TLE3: variants seen among roughly 807,000 people sequenced by gnomAD.
TLE3 encodes transducin-like enhancer protein 3.
Under a neutral mutation model 93.0 loss-of-function variants are expected in TLE3, and 14 were observed. That is an observed-to-expected ratio of 0.15 (90% CI 0.10 to 0.24). The LOEUF (loss-of-function observed/expected upper bound fraction) is 0.24. Among genes scored for constraint, TLE3 ranks in the 10% least tolerant of loss-of-function variants. TLE3 has a pLI of 1.00. For synonymous variants in TLE3, 451 were observed against 425.0 expected (o/e 1.06, Z -0.75); for missense variants, 693 against 1,046.6 (o/e 0.66, Z 4.66).
intron 6 of TLE3, among the ~76,000 whole-genome samples, chr15:70,071,295 C>T (rs1689604810): frequency 6.6e-6 from 1 of 152,178 alleles, no homozygotes; most frequent in South Asian, 2.1e-4. Context: ...CAGGCCCCAG[C>T]TAGAAGAGAG....
In TLE3 at chr15:70,051,374, C is replaced by CA; in HGVS notation, c.2202+16dup. 1 of 1,597,642 alleles carries CA rather than the reference C, an allele frequency of 6.3e-7. No homozygotes were observed. The highest frequency in any genetic ancestry group is 2.3e-5 in the East Asian group (1 of 44,342). The stretch of plus-strand genomic sequence containing the variant: ...TCTGGGTAGAACCCAGAGGAGGACT[C>CA]AGACGGTGGGCAGTACCTGGAATAT... On this transcript the variant is annotated intron_variant, in intron 19 of 19. Transcript: ENST00000451782.
intron 4 of TLE3, among the ~76,000 whole-genome samples, chr15:70,076,599 C>T (rs1034751436): frequency 1.3e-5 from 2 of 152,206 alleles, no homozygotes; most frequent in African/African-American, 4.8e-5. Context: ...ATAAATGGGA[C>T]TAAGCTGATA....
chr15:70,053,132 C>T (rs1020138928), intron 17 of TLE3, 95 bp downstream of exon 17: 1 of 1,478,378 alleles, frequency 6.8e-7, no homozygotes, highest in African/African-American at 1.4e-5. Context: ...CGTGGCCACT[C>T]TGTGAGGGTC....
intron 14 of TLE3, chr15:70,055,637 C>T (rs916553147): frequency 3.8e-6 from 1 of 260,088 alleles, no homozygotes; most frequent in Non-Finnish European, 7.3e-6. Context: ...CCACCTCTTG[C>T]TTTAGGAGCC....
intron 7 of TLE3, among the ~76,000 whole-genome samples, chr15:70,064,748 G>C (rs568428970): frequency 6.6e-6 from 1 of 152,280 alleles, no homozygotes; most frequent in African/African-American, 2.4e-5. Context: ...CCAGTCCCCA[G>C]GGTGGGGAGG....
At chr15:70,091,142 C>T (rs981337453) in intron 4 of TLE3, among the ~76,000 whole-genome samples, 1 of 152,180 alleles carries the variant, frequency 6.6e-6, no homozygotes, top group Admixed American at 6.5e-5. Context: ...GCATGAGAAG[C>T]CAAAGGGCTC....
chr15:70,056,389 A>G lies in TLE3; in HGVS notation c.1252-15T>C. On this transcript the variant is annotated splice_polypyrimidine_tract_variant and intron_variant, in intron 13 of 19. Coordinates refer to ENST00000451782, the MANE Select transcript of TLE3 (RefSeq NM_001105192.3). ...TCAAAACCAACCTGTAAAGCAAGGC[A>G]AGACAGCCCTCCATCAGCCGTGCTG... is the stretch of plus-strand genomic sequence containing the variant. 6.2e-7 allele frequency: 1 copy of G among 1,609,362 alleles called. No homozygotes were observed. The highest frequency in any genetic ancestry group is 8.5e-7 in the Non-Finnish European group (1 of 1,177,052).
Position 70,049,301 on chromosome 15 carries a change from C to A in TLE3, c.*796G>T, listed in dbSNP as rs1176777319. 6.6e-6 allele frequency: 1 copy of A among 152,284 alleles called. No homozygotes were observed. The highest frequency in any genetic ancestry group is 2.4e-5 in the African/African-American group (1 of 41,462). The allele number at this position is 152,284 out of a possible 1,614,324, so 9.4% of individuals were successfully genotyped here. A position where few individuals can be genotyped will look rare whatever the true frequency, so the allele number is the denominator to read the frequency against. On this transcript the variant is annotated 3_prime_UTR_variant, in exon 20 of 20. Coordinates refer to ENST00000451782, the MANE Select transcript of TLE3 (RefSeq NM_001105192.3). The stretch of plus-strand genomic sequence containing the variant: ...AAAGCTCCATTTCTGCGGGTGTCCG[C>A]CTGGACGGGCCCCCATCTCAGTGCC...
At chr15:70,072,446 A>G (rs1013609215) in intron 6 of TLE3, among the ~76,000 whole-genome samples, 16 of 152,246 alleles carry the variant, frequency 1.1e-4, no homozygotes, top group African/African-American at 3.9e-4. Flanking sequence ...GAAGAGGAGA[A>G]ATGTCGGAAA....
At chr15:70,055,504 A>C in intron 14 of TLE3, 1 of 557,728 alleles carries the variant, frequency 1.8e-6, no homozygotes, top group South Asian at 4.2e-5. Context: ...TTTGATTTTT[A>C]CACCCAGTTA....
At chr15:70,087,988 C>T (rs12594029) in intron 4 of TLE3, among the ~76,000 whole-genome samples, 73,925 of 151,890 alleles carry the variant, frequency 0.49, 18,206 homozygotes, top group East Asian at 0.61. Flanking sequence ...GATTTCCAGA[C>T]GGGCCTCTTG....
chr15:70,056,821 G>A (rs956452572), intron 13 of TLE3, among the ~76,000 whole-genome samples: 1 of 152,152 alleles, frequency 6.6e-6, no homozygotes, highest in Non-Finnish European at 1.5e-5. Flanking sequence ...GAGCGCGGTG[G>A]TGCAATCTTG....
At position 70,058,487 on chromosome 15, in the gene TLE3, A is replaced by C. The variant is rs2056238405; in HGVS notation, c.918+176T>G. On this transcript the variant is annotated intron_variant, in intron 11 of 19. Transcript: ENST00000451782. This position sits in a 1 kb window ranked among gnomAD's most constrained non-coding sequence, Gnocchi z 4.1. ...TCACTCCCATTTTACAGACGTAGCA[A>C]CCGAGGCTCAGAAACGTTAACTCAT... 20 of 1,283,994 alleles carry C rather than the reference A, an allele frequency of 1.6e-5. No individual in the cohort carries two copies. The South Asian group carries it at 3.0e-4, about 20-fold the overall frequency. 79.5% of individuals were successfully genotyped at this position (1,283,994 alleles called of 1,614,324 possible). A position where few individuals can be genotyped will look rare whatever the true frequency, so the allele number is the denominator to read the frequency against.
At chr15:70,062,972 C>T (rs1484483096) in intron 8 of TLE3, among the ~76,000 whole-genome samples, 3 of 152,138 alleles carry the variant, frequency 2.0e-5, no homozygotes, top group Non-Finnish European at 4.4e-5. Flanking sequence ...ACAGATGGGG[C>T]ACAAAGCCAG....
intron 18 of TLE3, 59 bp from the exon 19 acceptor site, chr15:70,051,526 C>T (rs750418967): frequency 2.0e-6 from 3 of 1,483,494 alleles, no homozygotes; most frequent in African/African-American, 1.4e-5. Context: ...TAAAGCAAGA[C>T]CTGCCCTAGA....
rs2055549299 is a variant in TLE3 at position 70,051,595 on chromosome 15, T to A, written c.2126-128A>T. The A allele has an allele frequency of 1.0e-5, 5 of 499,470 alleles. No individual in the cohort carries two copies. In the South Asian group the frequency reaches 1.4e-4, roughly 14 times the overall value. 30.9% of individuals were successfully genotyped at this position (499,470 alleles called of 1,614,324 possible). On this transcript the variant is annotated intron_variant, in intron 18 of 19. Transcript: ENST00000451782. ...TGCTAACTAGTATAACTCTCCAATTTCGAGAGGCATTTTGCAAATGGGACA... is the reference window on the plus strand; with the variant it reads ...TGCTAACTAGTATAACTCTCCAATTACGAGAGGCATTTTGCAAATGGGACA...
chr15:70,061,146 G>A (rs566190301), intron 8 of TLE3, among the ~76,000 whole-genome samples: 40 of 152,242 alleles, frequency 2.6e-4, no homozygotes, highest in African/African-American at 9.4e-4. Context: ...GGGAAGGAGG[G>A]CGTCAGGCAG....
rs775760103 is a variant in TLE3 at position 70,058,121 on chromosome 15, A to G, written c.1051+38T>C. On this transcript the variant is annotated intron_variant, in intron 12 of 19. Transcript: ENST00000451782. This position sits in a 1 kb window ranked among gnomAD's most constrained non-coding sequence, Gnocchi z 4.1. ...GCCAAGAGCAGACCCCCTCCCCCCA[A>G]TCAGATTAACCCAGCCCATGGTGCC... 7.4e-6 allele frequency: 12 copies of G among 1,612,382 alleles called. No homozygotes were observed. Among genetic ancestry groups the G allele is most frequent in the South Asian group, 5.5e-5 (5 of 90,996 alleles).
intron 4 of TLE3, 105 bp downstream of exon 4, chr15:70,094,427 G>T: frequency 1.2e-6 from 1 of 852,414 alleles, no homozygotes; most frequent in Non-Finnish European, 1.9e-6. Flanking sequence ...GAAGGGGGAG[G>T]AATCGAAGAA....
Sources: gnomAD v4.1 joint callset for allele counts (sites outside exome capture counted in the v4.1 genomes callset) on GRCh38, gnomAD v4.1.1 for gene constraint, Gnocchi (gnomAD v3.1) non-coding constraint, MANE v1.5 for transcripts, NCBI Gene and HGNC (gene_info 2026-07-23, HGNC 2026-07-21) for gene names.